Variants in MYO5B observed in about 807,000 individuals in gnomAD.
MYO5B encodes unconventional myosin-Vb.
A neutral mutation model predicts 229.3 loss-of-function variants in MYO5B; 143 were observed. The ratio of observed to expected loss-of-function variants is 0.62; its 90% CI spans 0.54 to 0.72. MYO5B has a LOEUF of 0.72. Ranked by LOEUF, MYO5B falls within the 30% of genes least tolerant of loss-of-function variation. MYO5B has a pLI of 0.00. For synonymous variants in MYO5B, 918 were observed against 885.2 expected, an observed-to-expected ratio of 1.04 and a Z score of -0.66; for missense variants, 2,321 against 2,331.0, an observed-to-expected ratio of 1.00 and a Z score of 0.09.
At chr18:50,172,278 CAA>C (rs1231520175) in intron 1 of MYO5B, among the ~76,000 whole-genome samples, 3 of 23,760 alleles carry the variant, frequency 1.3e-4, no homozygotes, top group Admixed American at 5.1e-4. Flanking sequence ...GAGACCCTGA[CAA>C]AAAAAGACAA....
intron 1 of MYO5B, among the ~76,000 whole-genome samples, chr18:50,192,299 C>G (rs1261270081): frequency 6.6e-6 from 1 of 152,186 alleles, no homozygotes; most frequent in East Asian, 1.9e-4. Context: ...CAAGTGAGAT[C>G]AAGACCCTGA....
intron 4 of MYO5B, among the ~76,000 whole-genome samples, chr18:50,023,599 C>T (rs1255958125): frequency 6.6e-6 from 1 of 152,124 alleles, no homozygotes; most frequent in Non-Finnish European, 1.5e-5. Flanking sequence ...GAAATATATT[C>T]TGAGAAAGTC....
At position 49,904,840 on chromosome 18, in the gene MYO5B, G is replaced by C; in HGVS notation, c.2415-12C>G. ...GGTGCTCAGCCAGCCTGGGGAGCAA[G>C]AGGAAACAGGCAGTGTCAGGGAGAG... On this transcript the variant is annotated splice_polypyrimidine_tract_variant and intron_variant, in intron 19 of 39. Coordinates refer to ENST00000285039, the MANE Select transcript of MYO5B (RefSeq NM_001080467.3). The C allele has an allele frequency of 6.2e-7, 1 of 1,613,210 alleles. No homozygotes were observed. The highest frequency in any genetic ancestry group is 8.5e-7 in the Non-Finnish European group (1 of 1,179,996).
chr18:50,194,432 G>A (rs1179858560), intron 1 of MYO5B, among the ~76,000 whole-genome samples: 1 of 152,150 alleles, frequency 6.6e-6, no homozygotes, highest in African/African-American at 2.4e-5. Flanking sequence ...GGGTCGCCCT[G>A]CCGTTCGGGG....
At chr18:49,906,903 T>TTTTCCG (rs781547695) in intron 18 of MYO5B, among the ~76,000 whole-genome samples, 1 of 152,114 alleles carries the variant, frequency 6.6e-6, no homozygotes, top group Non-Finnish European at 1.5e-5. Context: ...ATGCTTTCCG[T>TTTTCCG]TTTCAGAGAA....
In MYO5B at chr18:50,001,392, T is replaced by C. The variant is rs2026045623; in HGVS notation, c.475A>G (p.Ile159Val). ...GCTCCAGACTCCCCACTGACTATGATGGACTGATTCTTCTCATCTCTGGAA... is the reference window on the plus strand; with the variant it reads ...GCTCCAGACTCCCCACTGACTATGACGGACTGATTCTTCTCATCTCTGGAA... Reference protein sequence around the residue: ...QMARDEKNQSIIVSGESGAGK... With the variant: ...QMARDEKNQSVIVSGESGAGK... The change falls in exon 5 of 40, where the codon ATC (isoleucine) becomes GTC (valine). Residue 159 changes from isoleucine (I) to valine (V), a missense_variant. Physicochemically the swap from Ile to Val is conservative, Grantham distance 29. Transcript: ENST00000285039. 6.2e-7 allele frequency: 1 copy of C among 1,614,172 alleles called. No individual in the cohort carries two copies. Among genetic ancestry groups the C allele is most frequent in the East Asian group, 2.2e-5 (1 of 44,876 alleles).
chr18:50,089,575 CAAAA>C (rs570849955), intron 1 of MYO5B, among the ~76,000 whole-genome samples: 1 of 123,978 alleles, frequency 8.1e-6, no homozygotes. Context: ...TCATCTCTAC[CAAAA>C]AAAAAAAAAA....
intron 1 of MYO5B, among the ~76,000 whole-genome samples, chr18:50,096,875 A>G (rs1021649673): frequency 2.0e-5 from 3 of 152,126 alleles, no homozygotes; most frequent in African/African-American, 7.2e-5. Context: ...CATGGCTACA[A>G]TATACCCCTA....
intron 27 of MYO5B, among the ~76,000 whole-genome samples, chr18:49,865,619 G>A (rs1478957252): frequency 2.6e-5 from 4 of 152,196 alleles, no homozygotes; most frequent in African/African-American, 9.7e-5. Flanking sequence ...ACACTGCACA[G>A]TCCTGGAACC....
At chr18:50,042,086 A>G (rs1406568680) in intron 2 of MYO5B, among the ~76,000 whole-genome samples, 1 of 152,236 alleles carries the variant, frequency 6.6e-6, no homozygotes, top group East Asian at 1.9e-4. Flanking sequence ...AAGAGGGCAG[A>G]CAAACAGTTA....
chr18:50,079,513 TC>T (rs1331659702), intron 1 of MYO5B, among the ~76,000 whole-genome samples: 1 of 151,826 alleles, frequency 6.6e-6, no homozygotes, highest in South Asian at 2.1e-4. Flanking sequence ...CCTCAAATTC[TC>T]CCCCCTTGAG....
intron 1 of MYO5B, among the ~76,000 whole-genome samples, chr18:50,083,425 G>A (rs1395814438): frequency 6.6e-6 from 1 of 152,082 alleles, no homozygotes; most frequent in Non-Finnish European, 1.5e-5. Context: ...CATTCAGCCC[G>A]AATCCTGAAA....
chr18:49,928,961 T>C (rs1421569193), intron 17 of MYO5B, among the ~76,000 whole-genome samples: 1 of 152,090 alleles, frequency 6.6e-6, no homozygotes, highest in African/African-American at 2.4e-5. Context: ...CTTTGAGGAC[T>C]TGGGGGAAAG....
intron 19 of MYO5B, among the ~76,000 whole-genome samples, chr18:49,906,214 G>A (rs2024897180): frequency 6.6e-6 from 1 of 152,186 alleles, no homozygotes; most frequent in Non-Finnish European, 1.5e-5. Context: ...ACCAGGAGAT[G>A]TGGAAACTAG....
At chr18:49,902,210 G>A (rs531192600) in intron 21 of MYO5B, among the ~76,000 whole-genome samples, 3 of 152,106 alleles carry the variant, frequency 2.0e-5, no homozygotes, top group Admixed American at 6.5e-5. Flanking sequence ...GCTTCTCAAG[G>A]CTGCCTGCAT....
At chr18:49,993,475 C>T (rs1231336405) in intron 5 of MYO5B, among the ~76,000 whole-genome samples, 1 of 152,016 alleles carries the variant, frequency 6.6e-6, no homozygotes, top group African/African-American at 2.4e-5. Flanking sequence ...TGAAAACATG[C>T]CATTGAGTTG....
chr18:50,182,922 G>T (rs1456006263), intron 1 of MYO5B, among the ~76,000 whole-genome samples: 1 of 152,072 alleles, frequency 6.6e-6, no homozygotes, highest in Non-Finnish European at 1.5e-5. Flanking sequence ...CCCACCCTGG[G>T]AACTGTGAGG....
chr18:50,054,447 T>A (rs972864571), intron 2 of MYO5B, among the ~76,000 whole-genome samples: 3 of 152,248 alleles, frequency 2.0e-5, no homozygotes, highest in Admixed American at 2.0e-4. Flanking sequence ...TCATGTTCAC[T>A]GCCCCCCTTT....
chr18:50,178,053 C>T (rs1337589308), intron 1 of MYO5B, among the ~76,000 whole-genome samples: 3 of 152,152 alleles, frequency 2.0e-5, no homozygotes, highest in Non-Finnish European at 4.4e-5. Flanking sequence ...CTTTTACACC[C>T]GGCACCATGC....
Sources: allele counts gnomAD v4.1 joint callset (sites outside exome capture counted in the v4.1 genomes callset), GRCh38; gene constraint gnomAD v4.1.1; transcripts MANE v1.5; gene names NCBI Gene and HGNC (gene_info 2026-07-23, HGNC 2026-07-21).